Variants in NRXN1 observed in about 807,000 individuals in gnomAD.
The protein encoded by NRXN1 is neurexin 1.
Under a neutral mutation model 150.9 loss-of-function variants are expected in NRXN1, and 39 were observed. The ratio of observed to expected loss-of-function variants is 0.26; its 90% CI spans 0.20 to 0.34. The LOEUF (loss-of-function observed/expected upper bound fraction) is 0.34, where lower values mean the gene tolerates loss of function less well. NRXN1 is among the 10% of genes least tolerant of loss of function. The pLI is 1.00. For missense variants in NRXN1, 1,815 were observed against 1,949.9 expected, an observed-to-expected ratio of 0.93 and a Z score of 1.30; for synonymous variants, 924 against 757.0, an observed-to-expected ratio of 1.22 and a Z score of -3.62.
intron 2 of NRXN1, among the ~76,000 whole-genome samples, chr2:50,950,406 A>G (rs911635798): frequency 3.4e-4 from 52 of 152,358 alleles, no homozygotes; most frequent in Non-Finnish European, 1.8e-4. Context: ...TCACTGGAGA[A>G]GCACATTAAC....
chr2:50,817,367 C>G (rs1669082571), intron 5 of NRXN1, among the ~76,000 whole-genome samples: 1 of 151,776 alleles, frequency 6.6e-6, no homozygotes, highest in African/African-American at 2.4e-5. Flanking sequence ...TAATTAAAAG[C>G]CTCCCAAAAA....
At chr2:50,384,520 A>T (rs868689411) in intron 17 of NRXN1, among the ~76,000 whole-genome samples, 1,561 of 147,986 alleles carry the variant, frequency 0.011, 54 homozygotes, top group African/African-American at 0.037. Flanking sequence ...AAAAAAAAAA[A>T]AAAAAAAAAA....
At chr2:49,974,321 A>G in intron 21 of NRXN1, 1 of 469,648 alleles carries the variant, frequency 2.1e-6, no homozygotes, top group South Asian at 2.1e-5. Flanking sequence ...GCCCGGCACC[A>G]CTCAAAAAGT....
chr2:50,159,988 A>G (rs558645650), intron 18 of NRXN1, among the ~76,000 whole-genome samples: 1 of 152,276 alleles, frequency 6.6e-6, no homozygotes, highest in East Asian at 1.9e-4. Flanking sequence ...GATAAACAAC[A>G]TTGTTTTTGT....
intron 5 of NRXN1, among the ~76,000 whole-genome samples, chr2:50,899,775 G>A (rs1327744437): frequency 6.6e-6 from 1 of 152,178 alleles, no homozygotes; most frequent in Non-Finnish European, 1.5e-5. Context: ...TGTTGGTGAT[G>A]TTATAGAACT....
chr2:50,863,233 A>C (rs1322308897), intron 5 of NRXN1, among the ~76,000 whole-genome samples: 1 of 152,084 alleles, frequency 6.6e-6, no homozygotes, highest in Non-Finnish European at 1.5e-5. Context: ...TAAGGAGAGT[A>C]AACTGGCTTT....
chr2:50,555,210 A>C (rs763215767), intron 8 of NRXN1, among the ~76,000 whole-genome samples: 1 of 152,156 alleles, frequency 6.6e-6, no homozygotes, highest in Non-Finnish European at 1.5e-5. Flanking sequence ...GACCCAAATG[A>C]TGCTTCTCTT....
intron 1 of NRXN1, among the ~76,000 whole-genome samples, chr2:51,029,497 T>A (rs1671145971): frequency 6.6e-6 from 1 of 152,228 alleles, no homozygotes; most frequent in Non-Finnish European, 1.5e-5. Context: ...ATAGTTTAAT[T>A]TTTAAAATAT....
intron 5 of NRXN1, among the ~76,000 whole-genome samples, chr2:50,702,776 C>T (rs1559144290): frequency 6.6e-6 from 1 of 151,988 alleles, no homozygotes; most frequent in African/African-American, 2.4e-5. Context: ...TCTGGACAGT[C>T]TTTTTATTGC....
rs534818347 is a variant in NRXN1, at chr2:50,292,653, T to C, written c.3365-55683A>G. Among the ~76,000 whole-genome samples, 83 of 152,354 alleles carry C rather than the reference T, an allele frequency of 5.4e-4. 2 individuals carry two copies. Among genetic ancestry groups the C allele is most frequent in the Admixed American group, 4.4e-3 (68 of 15,296 alleles). ...GCTCCAGCAACATATAGCTGAAAAG[T>C]AGTATCACTGATATTTTTTTCAAAC... On this transcript the variant is annotated intron_variant, in intron 17 of 22. Transcript: ENST00000401669.
intron 2 of NRXN1, among the ~76,000 whole-genome samples, chr2:50,954,932 A>G (rs1575045308): frequency 6.6e-6 from 1 of 152,266 alleles, no homozygotes; most frequent in South Asian, 2.1e-4. Flanking sequence ...TTTTTGCTAT[A>G]GGAGATAAAC....
intron 18 of NRXN1, among the ~76,000 whole-genome samples, chr2:50,222,003 G>C (rs1483101219): frequency 6.6e-6 from 1 of 151,974 alleles, no homozygotes; most frequent in Non-Finnish European, 1.5e-5. Context: ...GTGTTCACGA[G>C]TCCTGGGGAC....
At position 50,996,226 on chromosome 2, in the gene NRXN1, T is replaced by C. The variant is rs1443625885; in HGVS notation, c.772+31276A>G. ...AGAAGGGAGGTGGTAATTATTTTAATCCGTATTTTTGTGGCACAATGCCAC... is the reference window on the plus strand; with the variant it reads ...AGAAGGGAGGTGGTAATTATTTTAACCCGTATTTTTGTGGCACAATGCCAC... On this transcript the variant is annotated intron_variant, in intron 2 of 22. Transcript: ENST00000401669. 2.0e-5 allele frequency among the ~76,000 whole-genome samples: 3 copies of C among 152,238 alleles called. No individual in the cohort carries two copies. In the East Asian group the frequency reaches 5.8e-4, roughly 30 times the overall value.
At chr2:50,671,990 A>G (rs10182698) in intron 5 of NRXN1, among the ~76,000 whole-genome samples, 83,873 of 151,624 alleles carry the variant, frequency 0.55, 24,068 homozygotes, top group East Asian at 0.83. Flanking sequence ...CTTTTAAATA[A>G]ACTTTTTAAA....
At position 50,656,547 on chromosome 2, in the gene NRXN1, T is replaced by C. The variant is rs1207169722; in HGVS notation, c.833-32932A>G. ...TTTATCCCCTAAATAATATTTATTT[T>C]GTATACAAAAGAATGGTTAAATGTA... On this transcript the variant is annotated intron_variant, in intron 5 of 22. Coordinates refer to ENST00000401669, the MANE Select transcript of NRXN1 (RefSeq NM_001330078.2). 10 of 581,568 alleles carry C rather than the reference T, an allele frequency of 1.7e-5. No homozygotes were observed. The Admixed American group carries it at 3.0e-4, about 17-fold the overall frequency. The allele number at this position is 581,568 out of a possible 1,614,324, so 36.0% of individuals were successfully genotyped here.
intron 5 of NRXN1, among the ~76,000 whole-genome samples, chr2:50,838,818 G>A (rs1672459561): frequency 6.6e-6 from 1 of 152,080 alleles, no homozygotes; most frequent in Non-Finnish European, 1.5e-5. Context: ...GATTTCAGAC[G>A]TCTATCCTCC....
rs551985937 is a variant in NRXN1 at position 50,978,655 on chromosome 2, T to C, written c.772+48847A>G. Among the ~76,000 whole-genome samples, 4 of 152,122 alleles carry C rather than the reference T, an allele frequency of 2.6e-5. No individual in the cohort carries two copies. In the East Asian group the frequency reaches 5.8e-4, roughly 22 times the overall value. On this transcript the variant is annotated intron_variant, in intron 2 of 22. Transcript: ENST00000401669. ...CAATGAAAGTTTGTTGCATTAATGA[T>C]TGGATGGATGAATAAAGTAACAAAT...
intron 17 of NRXN1, among the ~76,000 whole-genome samples, chr2:50,384,301 T>C (rs910377539): frequency 1.3e-5 from 2 of 151,694 alleles, no homozygotes; most frequent in Non-Finnish European, 2.9e-5. Flanking sequence ...GGTCAGGAGA[T>C]TGAGACTATC....
intron 2 of NRXN1, among the ~76,000 whole-genome samples, chr2:50,993,259 T>G (rs749167974): frequency 6.6e-6 from 1 of 151,978 alleles, no homozygotes; most frequent in Non-Finnish European, 1.5e-5. Flanking sequence ...TCTTTCATTT[T>G]ACAAAATGAG....
Sources: gnomAD v4.1 joint callset for allele counts (sites outside exome capture counted in the v4.1 genomes callset) on GRCh38, gnomAD v4.1.1 for gene constraint, MANE v1.5 for transcripts, NCBI Gene and HGNC (gene_info 2026-07-23, HGNC 2026-07-21) for gene names.